DENND1B: variants seen among roughly 807,000 people sequenced by gnomAD.
DENND1B encodes DENN domain containing 1B.
A neutral mutation model predicts 90.1 loss-of-function variants in DENND1B; 59 were observed. The observed-to-expected ratio is 0.65, with a 90% CI of 0.53 to 0.81. The LOEUF is 0.81. Ranked by LOEUF, DENND1B falls within the 40% of genes least tolerant of loss-of-function variation. The pLI, the probability that DENND1B is intolerant of heterozygous loss-of-function variation, is 0.00. For missense variants in DENND1B, 862 were observed against 912.6 expected, an observed-to-expected ratio of 0.94 and a Z score of 0.71; for synonymous variants, 337 against 324.6, an observed-to-expected ratio of 1.04 and a Z score of -0.41.
chr1:197,528,814 C>T (rs1189750051), intron 20 of DENND1B, among the ~76,000 whole-genome samples: 2 of 151,312 alleles, frequency 1.3e-5, no homozygotes, highest in East Asian at 3.9e-4. Context: ...GAGCCGAGAT[C>T]CCGCCACTGC....
intron 20 of DENND1B, among the ~76,000 whole-genome samples, chr1:197,519,600 T>C (rs1320647774): frequency 6.6e-6 from 1 of 151,926 alleles, no homozygotes; most frequent in African/African-American, 2.4e-5. Context: ...ATAAAAATTA[T>C]GACTTCGGTT....
At chr1:197,526,104 A>G (rs1669115339) in intron 20 of DENND1B, among the ~76,000 whole-genome samples, 1 of 152,110 alleles carries the variant, frequency 6.6e-6, no homozygotes, top group African/African-American at 2.4e-5. Flanking sequence ...TGTGTAGCAG[A>G]TACAAATCCA....
chr1:197,693,134 T>C (rs1160558998), intron 3 of DENND1B, among the ~76,000 whole-genome samples: 1 of 151,698 alleles, frequency 6.6e-6, no homozygotes, highest in Non-Finnish European at 1.5e-5. Flanking sequence ...CCACATGAAC[T>C]CTGTGTCTGC....
the DENND1B span, among the ~76,000 whole-genome samples, chr1:197,781,210 C>T: frequency 1.3e-5 from 2 of 152,108 alleles, no homozygotes; most frequent in Non-Finnish European, 2.9e-5. Flanking sequence ...ATAAGCCTCA[C>T]CAATGTATAT....
At chr1:197,542,313 A>G (rs1277419869) in intron 18 of DENND1B, among the ~76,000 whole-genome samples, 1 of 152,218 alleles carries the variant, frequency 6.6e-6, no homozygotes, top group African/African-American at 2.4e-5. Flanking sequence ...CATGAAAAGC[A>G]TAGGAAAAAA....
chr1:197,686,849 C>G (rs1046282042), intron 3 of DENND1B, among the ~76,000 whole-genome samples: 1 of 151,944 alleles, frequency 6.6e-6, no homozygotes, highest in African/African-American at 2.4e-5. Context: ...GGGGAATCTA[C>G]TCTCACTGCT....
intron 2 of DENND1B, among the ~76,000 whole-genome samples, chr1:197,728,176 C>G (rs1316202352): frequency 6.6e-6 from 1 of 152,124 alleles, no homozygotes; most frequent in East Asian, 1.9e-4. Context: ...CAATACCATT[C>G]TAGACACATC....
intron 18 of DENND1B, chr1:197,545,558 A>G (rs1038615608): frequency 5.1e-6 from 1 of 197,738 alleles, no homozygotes. Flanking sequence ...ACCTCGCTAT[A>G]TTTTTCTTTT....
intron 3 of DENND1B, among the ~76,000 whole-genome samples, chr1:197,694,394 T>C (rs1169887845): frequency 6.6e-6 from 1 of 151,448 alleles, no homozygotes; most frequent in Admixed American, 6.6e-5. Flanking sequence ...CCATTATTTG[T>C]TTCACTTCAC....
At chr1:197,593,290 G>T (rs892340282) in intron 14 of DENND1B, among the ~76,000 whole-genome samples, 20 of 149,986 alleles carry the variant, frequency 1.3e-4, no homozygotes, top group African/African-American at 4.9e-4. Context: ...ACATTAAAAA[G>T]GAAGCTTTCA....
chr1:197,648,078 C>T (rs1177799000), intron 7 of DENND1B, among the ~76,000 whole-genome samples: 1 of 152,006 alleles, frequency 6.6e-6, no homozygotes, highest in Non-Finnish European at 1.5e-5. Context: ...GAACAGAACA[C>T]AGCCACTCAA....
In DENND1B at chr1:197,645,817, G is replaced by GA. The variant is rs1197087448; in HGVS notation, c.508-75dup. 1.7e-5 allele frequency: 17 copies of GA among 1,013,958 alleles called. No homozygotes were observed. In the East Asian group the frequency reaches 2.1e-4, roughly 12 times the overall value. The allele number at this position is 1,013,958 out of a possible 1,614,324, so 62.8% of individuals were successfully genotyped here. A position where few individuals can be genotyped will look rare whatever the true frequency, so the allele number is the denominator to read the frequency against. On this transcript the variant is annotated intron_variant, in intron 8 of 22. Coordinates refer to ENST00000620048, the MANE Select transcript of DENND1B (RefSeq NM_001195215.2). ...AACATATAATTTGTAATGAAAATCA[G>GA]AAAAAAATATATTGAGTAAATTAAA...
At chr1:197,524,301 G>T (rs1668987890) in intron 20 of DENND1B, among the ~76,000 whole-genome samples, 1 of 152,096 alleles carries the variant, frequency 6.6e-6, no homozygotes, top group African/African-American at 2.4e-5. Context: ...GAAACTTCTG[G>T]TGACTGCTGG....
intron 20 of DENND1B, among the ~76,000 whole-genome samples, chr1:197,525,096 AAAG>A (rs1370270632): frequency 1.6e-4 from 24 of 152,136 alleles, no homozygotes; most frequent in African/African-American, 3.4e-4. Flanking sequence ...TAATAGGTAG[AAAG>A]AAGGTCTTGT....
At chr1:197,748,032 T>G (rs1011544086) in intron 2 of DENND1B, among the ~76,000 whole-genome samples, 1 of 152,062 alleles carries the variant, frequency 6.6e-6, no homozygotes, top group Non-Finnish European at 1.5e-5. Context: ...ACACACAGCT[T>G]AGGAGTAAGG....
rs1344063784 is a variant in DENND1B at position 197,651,015 on chromosome 1, GA to G, written c.447+1219del. Among the ~76,000 whole-genome samples, 5 of 151,718 alleles carry G rather than the reference GA, an allele frequency of 3.3e-5. No homozygotes were observed. The East Asian group carries it at 9.6e-4, about 29-fold the overall frequency. On this transcript the variant is annotated intron_variant, in intron 7 of 22. Coordinates refer to ENST00000620048, the MANE Select transcript of DENND1B (RefSeq NM_001195215.2). ...ACCACCTGTACCCCAATAACTTATG[GA>G]AAAATTAAAAAATTAATTAATTTTT...
chr1:197,615,546 AT>A (rs1677570957), intron 11 of DENND1B, among the ~76,000 whole-genome samples: 1 of 151,056 alleles, frequency 6.6e-6, no homozygotes, highest in South Asian at 2.1e-4. Context: ...CATAAAAAGT[AT>A]TTAATCAAAA....
At chr1:197,721,808 T>C (rs572336059) in intron 2 of DENND1B, among the ~76,000 whole-genome samples, 2 of 152,256 alleles carry the variant, frequency 1.3e-5, no homozygotes, top group African/African-American at 2.4e-5. Context: ...AAAATGTTTT[T>C]AAAACCCAAA....
At chr1:197,554,872 AT>A (rs1194826733) in intron 15 of DENND1B, among the ~76,000 whole-genome samples, 1 of 151,444 alleles carries the variant, frequency 6.6e-6, no homozygotes, top group Non-Finnish European at 1.5e-5. Flanking sequence ...GGGGAAGAGA[AT>A]TAACAGCAGT....
Sources: gnomAD v4.1 joint callset for allele counts (sites outside exome capture counted in the v4.1 genomes callset) on GRCh38, gnomAD v4.1.1 for gene constraint, MANE v1.5 for transcripts, NCBI Gene and HGNC (gene_info 2026-07-23, HGNC 2026-07-21) for gene names.